ROBO1: variants seen among roughly 807,000 people sequenced by gnomAD.
ROBO1 encodes the protein roundabout guidance receptor 1, also known as roundabout homolog 1.
A neutral mutation model predicts 195.9 loss-of-function variants in ROBO1; 149 were observed. The observed-to-expected ratio is 0.76, with a 90% confidence interval of 0.67 to 0.87. ROBO1 has a LOEUF of 0.87. ROBO1 is among the 40% of genes least tolerant of loss of function. The pLI is 0.00. For synonymous variants in ROBO1, 816 were observed against 733.2 expected, an observed-to-expected ratio of 1.11 and a Z score of -1.82; for missense variants, 1,933 against 2,068.3, an observed-to-expected ratio of 0.93 and a Z score of 1.27.
intron 2 of ROBO1, among the ~76,000 whole-genome samples, chr3:79,384,050 C>A (rs1467303781): frequency 6.6e-6 from 1 of 151,858 alleles, no homozygotes; most frequent in East Asian, 1.9e-4. Context: ...ATCACATATG[C>A]AGTGTATCAA....
intron 24 of ROBO1, among the ~76,000 whole-genome samples, chr3:78,633,637 C>T (rs1047399065): frequency 2.0e-5 from 3 of 152,086 alleles, no homozygotes; most frequent in Non-Finnish European, 2.9e-5. Context: ...TTTTGGCCAA[C>T]GGGGAAAAAG....
chr3:79,653,092 T>A (rs1946059466), intron 1 of ROBO1, among the ~76,000 whole-genome samples: 1 of 151,862 alleles, frequency 6.6e-6, no homozygotes, highest in African/African-American at 2.4e-5. Flanking sequence ...AATTAATAAT[T>A]TTGATTAATG....
At chr3:79,322,343 G>A (rs1161321619) in intron 2 of ROBO1, among the ~76,000 whole-genome samples, 5 of 152,150 alleles carry the variant, frequency 3.3e-5, no homozygotes, top group East Asian at 3.9e-4. Flanking sequence ...ACAAGTATAC[G>A]TTAGTATTTT....
intron 2 of ROBO1, among the ~76,000 whole-genome samples, chr3:79,563,761 T>C (rs1421305141): frequency 6.6e-6 from 1 of 152,046 alleles, no homozygotes; most frequent in African/African-American, 2.4e-5. Flanking sequence ...ACATCTCACA[T>C]GAAAGTGAAA....
chr3:79,021,148 A>T (rs2078092679), intron 3 of ROBO1, among the ~76,000 whole-genome samples: 1 of 152,234 alleles, frequency 6.6e-6, no homozygotes, highest in Non-Finnish European at 1.5e-5. Flanking sequence ...GGAGATAAGA[A>T]TTCAAAGACT....
chr3:79,159,080 A>G (rs1487397331), intron 2 of ROBO1, among the ~76,000 whole-genome samples: 1 of 151,976 alleles, frequency 6.6e-6, no homozygotes, highest in East Asian at 1.9e-4. Flanking sequence ...TTATTGTGAA[A>G]GACAAAGTAG....
At chr3:79,231,797 T>C (rs1056266812) in intron 2 of ROBO1, among the ~76,000 whole-genome samples, 1 of 151,774 alleles carries the variant, frequency 6.6e-6, no homozygotes, top group Non-Finnish European at 1.5e-5. Flanking sequence ...CTATAGCAAA[T>C]ACATGAACTC....
At chr3:78,863,736 T>C (rs1007798455) in intron 4 of ROBO1, among the ~76,000 whole-genome samples, 3 of 152,174 alleles carry the variant, frequency 2.0e-5, no homozygotes, top group African/African-American at 4.8e-5. Flanking sequence ...TATGCCAAAA[T>C]ATACCCAACA....
At chr3:79,221,446 T>G (rs1161815809) in intron 2 of ROBO1, among the ~76,000 whole-genome samples, 1 of 152,136 alleles carries the variant, frequency 6.6e-6, no homozygotes, top group Non-Finnish European at 1.5e-5. Flanking sequence ...GGGGGCATAC[T>G]GTCACATTCA....
chr3:78,919,067 A>G (rs1198431031), intron 4 of ROBO1, among the ~76,000 whole-genome samples: 1 of 152,220 alleles, frequency 6.6e-6, no homozygotes, highest in Non-Finnish European at 1.5e-5. Flanking sequence ...TTATTTCTAA[A>G]GTGTCATATT....
chr3:79,626,776 C>T (rs376245566), intron 1 of ROBO1, among the ~76,000 whole-genome samples: 44 of 151,914 alleles, frequency 2.9e-4, no homozygotes, highest in Middle Eastern at 3.2e-3. Context: ...CAAACCTCCT[C>T]AAACTAATAA....
chr3:79,742,789 A>T (rs1309063584), intron 1 of ROBO1, among the ~76,000 whole-genome samples: 1 of 152,152 alleles, frequency 6.6e-6, no homozygotes, highest in African/African-American at 2.4e-5. Context: ...TTATTGTGAC[A>T]TTAGCAGTTC....
At position 78,657,173 on chromosome 3, in the gene ROBO1, G is replaced by A. The variant is rs758742141; in HGVS notation, c.2539C>T (p.Arg847Ter). The change falls in exon 18 of 31, where the codon CGA becomes TGA. Residue 847 changes from arginine (R) to a stop codon, truncating the protein, a stop_gained. Coordinates refer to ENST00000464233, the MANE Select transcript of ROBO1 (RefSeq NM_002941.4). LOFTEE classifies it high-confidence loss of function. ...VVIPFLVPGIRYSVEVAASTG... is the reference protein window; with the variant it reads ...VVIPFLVPGI ...CTGGCTGCCACTTCCACACTGTATC[G>A]GATTCCAGGAACAAGAAAGGGAATG... The A allele has an allele frequency of 6.2e-6, 10 of 1,613,014 alleles. No homozygotes were observed. The highest frequency in any genetic ancestry group is 2.2e-5 in the East Asian group (1 of 44,804).
chr3:79,042,769 C>A (rs1403008196), intron 3 of ROBO1, among the ~76,000 whole-genome samples: 1 of 151,944 alleles, frequency 6.6e-6, no homozygotes, highest in East Asian at 1.9e-4. Context: ...ATAGATGATT[C>A]CTAAAATGAG....
At chr3:79,564,869 A>G (rs1386911598) in intron 2 of ROBO1, among the ~76,000 whole-genome samples, 1 of 152,042 alleles carries the variant, frequency 6.6e-6, no homozygotes, top group African/African-American at 2.4e-5. Flanking sequence ...TGTCTTGATA[A>G]TTTTTCTGAG....
chr3:79,297,094 T>C (rs935019084), intron 2 of ROBO1, among the ~76,000 whole-genome samples: 7 of 152,190 alleles, frequency 4.6e-5, no homozygotes, highest in Non-Finnish European at 1.0e-4. Flanking sequence ...AAATACAAAA[T>C]GTAGTTGGTA....
intron 2 of ROBO1, among the ~76,000 whole-genome samples, chr3:79,414,813 G>T (rs980459304): frequency 6.6e-6 from 1 of 152,102 alleles, no homozygotes; most frequent in Non-Finnish European, 1.5e-5. Context: ...TTAACATAAA[G>T]TACTGAAGAT....
intron 3 of ROBO1, among the ~76,000 whole-genome samples, chr3:78,943,982 AG>A (rs2040280564): frequency 6.6e-6 from 1 of 152,258 alleles, no homozygotes; most frequent in Admixed American, 6.5e-5. Flanking sequence ...TTATTAAAAA[AG>A]TATAATGAAT....
intron 2 of ROBO1, among the ~76,000 whole-genome samples, chr3:79,585,722 TA>T (rs1003715450): frequency 3.0e-4 from 46 of 152,066 alleles, no homozygotes; most frequent in African/African-American, 1.1e-3. Flanking sequence ...AGATAATTTG[TA>T]GATATCTGTA....
Sources: allele counts gnomAD v4.1 joint callset (sites outside exome capture counted in the v4.1 genomes callset), GRCh38; gene constraint gnomAD v4.1.1; transcripts MANE v1.5; gene names NCBI Gene and HGNC (gene_info 2026-07-23, HGNC 2026-07-21).